CTNND2: variants seen among roughly 807,000 people sequenced by gnomAD.
The protein encoded by CTNND2 is catenin delta-2.
CTNND2 carries 22 observed loss-of-function variants against 144.4 expected under a neutral mutation model. The ratio of observed to expected loss-of-function variants is 0.15; its 90% confidence interval spans 0.11 to 0.22. The LOEUF is 0.22. CTNND2 is among the 10% of genes least tolerant of loss of function. The pLI is 1.00. For missense variants in CTNND2, 1,353 were observed against 1,618.8 expected (o/e 0.84, Z 2.82); for synonymous variants, 751 against 695.6 (o/e 1.08, Z -1.25).
intron 2 of CTNND2, among the ~76,000 whole-genome samples, chr5:11,691,556 A>G (rs1784910596): frequency 6.6e-6 from 1 of 151,956 alleles, no homozygotes; most frequent in Non-Finnish European, 1.5e-5. Flanking sequence ...TAAAAGATAC[A>G]CAGTTCAGAT....
chr5:11,388,555 T>C (rs1759316823), intron 6 of CTNND2, among the ~76,000 whole-genome samples: 1 of 152,262 alleles, frequency 6.6e-6, no homozygotes, highest in South Asian at 2.1e-4. Flanking sequence ...CAATGGCTTA[T>C]AGAGTAATAA....
In CTNND2 at chr5:11,227,895, G is replaced by T. The variant is rs551070723; in HGVS notation, c.1761+8796C>A. Among the ~76,000 whole-genome samples, 3 of 152,214 alleles carry T rather than the reference G, an allele frequency of 2.0e-5. No individual in the cohort carries two copies. In the South Asian group the frequency reaches 6.2e-4, roughly 32 times the overall value. On this transcript the variant is annotated intron_variant, in intron 10 of 21. Coordinates refer to ENST00000304623, the MANE Select transcript of CTNND2 (RefSeq NM_001332.4). ...TGAGTTCTAAGTGGGTATGCCTTAG[G>T]TTATATTTTTCTGGCAACTTCTAAT...
intron 3 of CTNND2, among the ~76,000 whole-genome samples, chr5:11,553,342 C>G (rs1245851523): frequency 2.0e-5 from 3 of 152,150 alleles, no homozygotes; most frequent in Non-Finnish European, 4.4e-5. Flanking sequence ...TGGTACTACT[C>G]TGATACATCT....
At chr5:11,832,603 C>A (rs1334544087) in intron 1 of CTNND2, among the ~76,000 whole-genome samples, 4 of 152,014 alleles carry the variant, frequency 2.6e-5, no homozygotes, top group Non-Finnish European at 4.4e-5. Flanking sequence ...AAAGCAAAAC[C>A]AGAATGAAAT....
chr5:11,475,242 G>C (rs1344949473), intron 3 of CTNND2, among the ~76,000 whole-genome samples: 3 of 152,194 alleles, frequency 2.0e-5, no homozygotes, highest in African/African-American at 7.2e-5. Context: ...GCAAGATCGA[G>C]GGGCTAAATG....
At chr5:11,250,491 C>CTCTCTATA (rs869141186) in intron 9 of CTNND2, among the ~76,000 whole-genome samples, 1,260 of 64,014 alleles carry the variant, frequency 0.02, 19 homozygotes, top group East Asian at 0.043. Context: ...CTCTCTCTCT[C>CTCTCTATA]TATATATATA....
At chr5:11,028,404 A>G (rs532288969) in intron 16 of CTNND2, among the ~76,000 whole-genome samples, 2 of 152,110 alleles carry the variant, frequency 1.3e-5, no homozygotes, top group Non-Finnish European at 1.5e-5. Context: ...AAAATTTACC[A>G]TTTTATCCAT....
chr5:11,709,562 G>C (rs1238650271), intron 2 of CTNND2, among the ~76,000 whole-genome samples: 1 of 150,752 alleles, frequency 6.6e-6, no homozygotes, highest in African/African-American at 2.5e-5. Flanking sequence ...ATCCCAAACA[G>C]TTAGTTATTT....
intron 11 of CTNND2, among the ~76,000 whole-genome samples, chr5:11,166,308 G>A (rs1212025571): frequency 6.7e-6 from 1 of 150,254 alleles, no homozygotes; most frequent in African/African-American, 2.5e-5. Flanking sequence ...GAGTGCAGTG[G>A]TGTGATCTCG....
At chr5:11,141,530 G>A (rs1256333602) in intron 12 of CTNND2, among the ~76,000 whole-genome samples, 1 of 152,182 alleles carries the variant, frequency 6.6e-6, no homozygotes, top group Non-Finnish European at 1.5e-5. Context: ...TCTAAGAATA[G>A]TTATAGATCT....
At chr5:11,211,787 G>T (rs1448140363) in intron 10 of CTNND2, among the ~76,000 whole-genome samples, 2 of 152,180 alleles carry the variant, frequency 1.3e-5, no homozygotes, top group Non-Finnish European at 2.9e-5. Context: ...TATACATGCA[G>T]AAATAATAGA....
chr5:11,331,319 A>G (rs1753121215), intron 9 of CTNND2, among the ~76,000 whole-genome samples: 1 of 152,140 alleles, frequency 6.6e-6, no homozygotes. Context: ...GGTATGAGTT[A>G]CTGCTTTCCT....
At chr5:11,582,417 A>G (rs1283002163) in intron 2 of CTNND2, among the ~76,000 whole-genome samples, 3 of 152,188 alleles carry the variant, frequency 2.0e-5, no homozygotes, top group African/African-American at 7.2e-5. Flanking sequence ...ACCAAAAACC[A>G]AAACAAAGAA....
chr5:11,695,279 T>A (rs770699756), intron 2 of CTNND2, among the ~76,000 whole-genome samples: 1 of 152,208 alleles, frequency 6.6e-6, no homozygotes, highest in Non-Finnish European at 1.5e-5. Context: ...AAGACAAGTA[T>A]CTAGCAACTG....
At chr5:11,289,372 G>T (rs1475020554) in intron 9 of CTNND2, among the ~76,000 whole-genome samples, 1 of 152,196 alleles carries the variant, frequency 6.6e-6, no homozygotes, top group African/African-American at 2.4e-5. Context: ...AGTAGCACAG[G>T]GGAAAACATT....
At chr5:11,354,633 G>T (rs1293627544) in intron 8 of CTNND2, among the ~76,000 whole-genome samples, 1 of 152,128 alleles carries the variant, frequency 6.6e-6, no homozygotes, top group Non-Finnish European at 1.5e-5. Flanking sequence ...TAGACCTAAA[G>T]GAAGAGATAG....
intron 3 of CTNND2, among the ~76,000 whole-genome samples, chr5:11,426,082 C>T (rs1440156229): frequency 6.6e-6 from 1 of 152,102 alleles, no homozygotes; most frequent in African/African-American, 2.4e-5. Flanking sequence ...TGACCCCCAC[C>T]CTCCTCCTTG....
chr5:11,394,552 G>T (rs2149812775), intron 6 of CTNND2, among the ~76,000 whole-genome samples: 1 of 152,222 alleles, frequency 6.6e-6, no homozygotes, highest in East Asian at 1.9e-4. Flanking sequence ...GGTCTGATGG[G>T]AAGGGTAGTC....
At chr5:11,342,042 T>C (rs1754325655) in intron 9 of CTNND2, among the ~76,000 whole-genome samples, 2 of 152,154 alleles carry the variant, frequency 1.3e-5, no homozygotes, top group South Asian at 4.1e-4. Context: ...GTATATTTTG[T>C]TTCCTGAGCT....
Sources: allele counts gnomAD v4.1 joint callset (sites outside exome capture counted in the v4.1 genomes callset), GRCh38; gene constraint gnomAD v4.1.1; transcripts MANE v1.5; gene names NCBI Gene and HGNC (gene_info 2026-07-23, HGNC 2026-07-21).